CDH18: variants seen among roughly 807,000 people sequenced by gnomAD.
The protein encoded by CDH18 is cadherin 18, also known as cadherin-18.
A neutral mutation model predicts 67.9 loss-of-function variants in CDH18; 31 were observed. The observed-to-expected ratio is 0.46, with a 90% CI of 0.34 to 0.62. The LOEUF is 0.62. CDH18 is among the 20% of genes least tolerant of loss of function. The pLI is 0.01. For missense variants in CDH18, 890 were observed against 975.5 expected, an observed-to-expected ratio of 0.91 and a Z score of 1.17; for synonymous variants, 362 against 347.2, an observed-to-expected ratio of 1.04 and a Z score of -0.48.
intron 6 of CDH18, among the ~76,000 whole-genome samples, chr5:19,602,812 A>C (rs570847703): frequency 2.6e-5 from 4 of 152,122 alleles, no homozygotes; most frequent in Non-Finnish European, 5.9e-5. Context: ...AAAAGTACAA[A>C]AAATTAGCTG....
intron 1 of CDH18, among the ~76,000 whole-genome samples, chr5:20,521,308 G>A (rs997094978): frequency 6.6e-6 from 1 of 151,934 alleles, no homozygotes. Context: ...GAAAATGAGG[G>A]GCTAGTGATG....
At chr5:19,614,042 A>G (rs1354759978) in intron 5 of CDH18, among the ~76,000 whole-genome samples, 2 of 152,104 alleles carry the variant, frequency 1.3e-5, no homozygotes, top group Non-Finnish European at 2.9e-5. Flanking sequence ...AGAAGTTGTC[A>G]ATTATAACTG....
chr5:19,754,229 G>A (rs1315953661), intron 3 of CDH18, among the ~76,000 whole-genome samples: 2 of 152,096 alleles, frequency 1.3e-5, no homozygotes, highest in Non-Finnish European at 2.9e-5. Flanking sequence ...GAATGGATAA[G>A]AATTCACCAA....
rs1029555040 is a variant in CDH18 at position 20,150,344 on chromosome 5, T to C, written c.-518+105100A>G. ...GCAAATCTTGGTAGTAATAGCAAGA[T>C]AGATTTGAGAATATTATAAAAAAGA... On this transcript the variant is annotated intron_variant, in intron 2 of 14. Coordinates refer to the CDH18 transcript ENST00000507958. Among the ~76,000 whole-genome samples, 8 of 152,022 alleles carry C rather than the reference T, an allele frequency of 5.3e-5. No homozygotes were observed. In the South Asian group the frequency reaches 6.2e-4, roughly 12 times the overall value.
chr5:19,886,634 G>A (rs998390411), intron 2 of CDH18, among the ~76,000 whole-genome samples: 1 of 152,044 alleles, frequency 6.6e-6, no homozygotes, highest in African/African-American at 2.4e-5. Flanking sequence ...AGCTTTCATA[G>A]AAATATATGA....
At chr5:20,443,152 G>T (rs1276381123) in intron 1 of CDH18, among the ~76,000 whole-genome samples, 5 of 134,938 alleles carry the variant, frequency 3.7e-5, no homozygotes, top group Non-Finnish European at 7.7e-5. Flanking sequence ...GGAGCTTGCA[G>T]TGAGCCGAGA....
chr5:19,775,459 C>A (rs1307522620), intron 3 of CDH18, among the ~76,000 whole-genome samples: 1 of 152,128 alleles, frequency 6.6e-6, no homozygotes, highest in African/African-American at 2.4e-5. Flanking sequence ...TCTGTGGATG[C>A]ATCAAGAGGT....
intron 2 of CDH18, among the ~76,000 whole-genome samples, chr5:19,949,719 T>G (rs1247702586): frequency 6.6e-6 from 1 of 152,152 alleles, no homozygotes; most frequent in Admixed American, 6.5e-5. Context: ...ACGATGGCAA[T>G]GTATTTGGCC....
chr5:19,998,283 C>T (rs956400747), intron 2 of CDH18, among the ~76,000 whole-genome samples: 9 of 152,036 alleles, frequency 5.9e-5, no homozygotes, highest in South Asian at 4.1e-4. Context: ...AGTATGAAGA[C>T]GGGCTAAACT....
intron 2 of CDH18, among the ~76,000 whole-genome samples, chr5:20,111,193 C>T (rs1439229651): frequency 1.3e-5 from 2 of 152,112 alleles, no homozygotes; most frequent in Admixed American, 6.5e-5. Flanking sequence ...AGAAGTTGAG[C>T]TCATTTCTTA....
At chr5:19,862,824 C>T (rs1206627815) in intron 2 of CDH18, among the ~76,000 whole-genome samples, 2 of 152,084 alleles carry the variant, frequency 1.3e-5, no homozygotes, top group Non-Finnish European at 2.9e-5. Flanking sequence ...TTTTTTAAAT[C>T]AGGTATGGTG....
chr5:20,071,099 A>C (rs1743442177), intron 2 of CDH18, among the ~76,000 whole-genome samples: 1 of 152,288 alleles, frequency 6.6e-6, no homozygotes, highest in Non-Finnish European at 1.5e-5. Context: ...GGTGCAAATC[A>C]CTAACCTAAC....
chr5:20,568,567 C>A (rs1471282568), intron 1 of CDH18, among the ~76,000 whole-genome samples: 1 of 151,914 alleles, frequency 6.6e-6, no homozygotes, highest in African/African-American at 2.4e-5. Flanking sequence ...TAAAAGCAAA[C>A]TAAAATTATT....
intron 3 of CDH18, among the ~76,000 whole-genome samples, chr5:19,777,905 A>G (rs1289788701): frequency 6.6e-6 from 1 of 152,212 alleles, no homozygotes; most frequent in Non-Finnish European, 1.5e-5. Context: ...GGGAGAGAAG[A>G]AAGATCATTA....
Position 20,425,143 on chromosome 5 carries a change from A to G in CDH18, c.-580+150319T>C, listed in dbSNP as rs527456698. 5.3e-5 allele frequency among the ~76,000 whole-genome samples: 8 copies of G among 151,154 alleles called. No individual in the cohort carries two copies. In the South Asian group the frequency reaches 1.5e-3, roughly 27 times the overall value. Reference sequence around the variant, plus strand: ...AGCACTTTGGGAGGCTGAGGCAGGCAGATCACGAGGTCAGAAGTTTGAGTC... The same window carrying G: ...AGCACTTTGGGAGGCTGAGGCAGGCGGATCACGAGGTCAGAAGTTTGAGTC... On this transcript the variant is annotated intron_variant, in intron 1 of 14. Transcript: ENST00000507958.
At chr5:19,929,039 T>C (rs1793398913) in intron 2 of CDH18, among the ~76,000 whole-genome samples, 1 of 152,152 alleles carries the variant, frequency 6.6e-6, no homozygotes, top group Admixed American at 6.6e-5. Context: ...GCTTCCATAA[T>C]ATTCCTTGAG....
chr5:20,197,683 T>A (rs1022034808), intron 2 of CDH18, among the ~76,000 whole-genome samples: 14 of 152,168 alleles, frequency 9.2e-5, no homozygotes, highest in African/African-American at 3.1e-4. Flanking sequence ...CTGGGAAAGA[T>A]TAGAGTCAGA....
intron 2 of CDH18, among the ~76,000 whole-genome samples, chr5:20,148,949 A>G (rs1750881179): frequency 6.6e-6 from 1 of 152,082 alleles, no homozygotes; most frequent in African/African-American, 2.4e-5. Flanking sequence ...CTCATATTCC[A>G]TATGCTAGAA....
At chr5:19,656,730 T>G (rs533202592) in intron 5 of CDH18, among the ~76,000 whole-genome samples, 8 of 152,118 alleles carry the variant, frequency 5.3e-5, no homozygotes, top group Non-Finnish European at 1.2e-4. Context: ...CTGATCTCAA[T>G]TTTGATGTTT....
Sources: allele counts gnomAD v4.1 joint callset (sites outside exome capture counted in the v4.1 genomes callset), GRCh38; gene constraint gnomAD v4.1.1; transcripts MANE v1.5; gene names NCBI Gene and HGNC (gene_info 2026-07-23, HGNC 2026-07-21).